FRAS1: variants seen among roughly 807,000 people sequenced by gnomAD.
FRAS1 encodes extracellular matrix organizing protein FRAS1.
A neutral mutation model predicts 435.2 loss-of-function variants in FRAS1; 290 were observed. That is an observed-to-expected ratio of 0.67 (90% CI 0.61 to 0.73). The LOEUF (loss-of-function observed/expected upper bound fraction) is 0.73. FRAS1 is among the 30% of genes least tolerant of loss of function. The pLI is 0.00. For missense variants in FRAS1, 4,860 were observed against 5,001.5 expected, an observed-to-expected ratio of 0.97 and a Z score of 0.85; for synonymous variants, 1,800 against 1,851.0, an observed-to-expected ratio of 0.97 and a Z score of 0.71.
chr4:78,207,627 T>C (rs960843074), intron 2 of FRAS1, among the ~76,000 whole-genome samples: 1 of 152,196 alleles, frequency 6.6e-6, no homozygotes, highest in Non-Finnish European at 1.5e-5. Context: ...TTTATTTCAC[T>C]TGTCAAGAAA....
rs1721818566 is a variant in FRAS1, at chr4:78,534,397, A to T, written c.10926-52A>T. On this transcript the variant is annotated intron_variant, in intron 70 of 73. Transcript: ENST00000512123. ...GAAGGGAGGGTGACTCAAATGACAT[A>T]TGCAAAGCTGACCCTGCTCTCAAAG... 3.3e-6 allele frequency: 5 copies of T among 1,526,030 alleles called. No homozygotes were observed. In the South Asian group the frequency reaches 4.7e-5, roughly 14 times the overall value. The allele number at this position is 1,526,030 out of a possible 1,614,324, so 94.5% of individuals were successfully genotyped here.
chr4:78,535,030 C>T (rs1329689722), intron 71 of FRAS1, among the ~76,000 whole-genome samples: 1 of 152,214 alleles, frequency 6.6e-6, no homozygotes, highest in Non-Finnish European at 1.5e-5. Context: ...GGTCACTTCT[C>T]TATCCGTTTA....
At chr4:78,471,157 A>T (rs1719696086) in intron 51 of FRAS1, among the ~76,000 whole-genome samples, 1 of 152,176 alleles carries the variant, frequency 6.6e-6, no homozygotes, top group African/African-American at 2.4e-5. Context: ...GGTCATTTTA[A>T]GATCTATGCC....
intron 20 of FRAS1, among the ~76,000 whole-genome samples, chr4:78,359,600 C>T (rs1730997437): frequency 6.6e-6 from 1 of 151,996 alleles, no homozygotes; most frequent in African/African-American, 2.4e-5. Flanking sequence ...TAACATGGGT[C>T]CCACTCAGGT....
At chr4:78,094,671 C>T (rs1741704695) in intron 2 of FRAS1, among the ~76,000 whole-genome samples, 1 of 152,076 alleles carries the variant, frequency 6.6e-6, no homozygotes, top group Admixed American at 6.6e-5. Flanking sequence ...ATAGTCAATG[C>T]TTAACCTATT....
At chr4:78,169,778 A>T (rs1308580324) in intron 2 of FRAS1, among the ~76,000 whole-genome samples, 1 of 48,218 alleles carries the variant, frequency 2.1e-5, no homozygotes, top group African/African-American at 5.2e-5. Flanking sequence ...TTCACAACTG[A>T]AACAAAACTT....
At chr4:78,497,689 A>T (rs756972263) in intron 60 of FRAS1, among the ~76,000 whole-genome samples, 10 of 152,146 alleles carry the variant, frequency 6.6e-5, no homozygotes, top group Non-Finnish European at 1.2e-4. Flanking sequence ...AAGCTATATA[A>T]TTTGCACTCT....
At chr4:78,335,945 T>C (rs1730155805) in intron 19 of FRAS1, among the ~76,000 whole-genome samples, 2 of 151,114 alleles carry the variant, frequency 1.3e-5, no homozygotes, top group Non-Finnish European at 1.5e-5. Context: ...AAAAACATTC[T>C]ATCATGATTT....
intron 2 of FRAS1, among the ~76,000 whole-genome samples, chr4:78,074,250 A>G (rs1275693084): frequency 6.6e-6 from 1 of 152,148 alleles, no homozygotes; most frequent in Non-Finnish European, 1.5e-5. Context: ...ATGGTTCAGT[A>G]ATAGTGAGCA....
Position 78,364,028 on chromosome 4 carries a change from A to G in FRAS1, c.2696A>G (p.Tyr899Cys). 1.9e-6 allele frequency: 3 copies of G among 1,597,638 alleles called. No homozygotes were observed. The highest frequency in any genetic ancestry group is 2.6e-6 in the Non-Finnish European group (3 of 1,171,630). Residue 899 changes from tyrosine to cysteine, a missense_variant, in exon 22 of 74, where the codon TAT becomes TGT. Tyr to Cys is a radical substitution (Grantham distance 194). Transcript: ENST00000512123. ...AGCACCACCTGCTTCCCTGGGCACT[A>G]TCTTGATGACAATCATGTTTGCCAG... Reference protein sequence around the residue: ...TCSTTCFPGHYLDDNHVCQPC... With the variant: ...TCSTTCFPGHCLDDNHVCQPC...
chr4:78,510,555 A>G (rs1377694312), intron 63 of FRAS1, among the ~76,000 whole-genome samples: 2 of 152,238 alleles, frequency 1.3e-5, no homozygotes, highest in African/African-American at 2.4e-5. Flanking sequence ...TCTGTGGCAC[A>G]CAGAACTACT....
At chr4:78,372,911 A>G in intron 24 of FRAS1, 53 bp downstream of exon 24, 1 of 1,571,058 alleles carries the variant, frequency 6.4e-7, no homozygotes, top group East Asian at 2.3e-5. Flanking sequence ...GCCACCTCTG[A>G]TTTGTACTGT....
chr4:78,121,383 T>C (rs142505011), intron 2 of FRAS1, among the ~76,000 whole-genome samples: 3 of 152,320 alleles, frequency 2.0e-5, no homozygotes, highest in East Asian at 3.9e-4. Context: ...AGAGTATTCA[T>C]TGGCACTAAG....
intron 30 of FRAS1, among the ~76,000 whole-genome samples, chr4:78,407,150 G>A (rs1340079296): frequency 6.6e-6 from 1 of 152,134 alleles, no homozygotes; most frequent in African/African-American, 2.4e-5. Context: ...AACACTTCTG[G>A]TCCTAAGAAT....
chr4:78,514,265 G>T (rs1021452194), intron 65 of FRAS1, among the ~76,000 whole-genome samples: 19 of 152,244 alleles, frequency 1.2e-4, no homozygotes, highest in Non-Finnish European at 4.4e-5. Context: ...CCAATATGCA[G>T]CTGACGCAGA....
At chr4:78,158,590 G>A (rs548600916) in intron 2 of FRAS1, among the ~76,000 whole-genome samples, 5 of 152,160 alleles carry the variant, frequency 3.3e-5, no homozygotes, top group South Asian at 4.2e-4. Context: ...AGGAACATTC[G>A]ATAAATTAAC....
chr4:78,315,734 G>T lies in FRAS1; in HGVS notation c.1819G>T (p.Val607Phe), dbSNP rs746001732. 1 of 1,613,792 alleles carries T rather than the reference G, an allele frequency of 6.2e-7. No individual in the cohort carries two copies. The highest frequency in any genetic ancestry group is 8.5e-7 in the Non-Finnish European group (1 of 1,179,852). ...YYADATGRCK[V>F]CHNSCASCSG... ...TGCTGATGCCACTGGCAGGTGCAAA[G>T]GTAAGAGATGGGTCACCATCATCAT... Residue 607 changes from valine to phenylalanine, a missense_variant and splice_region_variant, in exon 16 of 74, where the codon GTT becomes TTT. By Grantham distance (50) the Val-to-Phe change is conservative. Transcript: ENST00000512123.
intron 60 of FRAS1, among the ~76,000 whole-genome samples, chr4:78,499,183 A>G (rs1720601357): frequency 6.6e-6 from 1 of 152,204 alleles, no homozygotes; most frequent in South Asian, 2.1e-4. Flanking sequence ...TAGGAAATTA[A>G]GAAAAGCTGA....
chr4:78,379,691 C>A, intron 26 of FRAS1, 35 bp from the exon 27 acceptor site: 1 of 1,586,210 alleles, frequency 6.3e-7, no homozygotes. Context: ...GTGAAGGTAC[C>A]ATAAGCTTGA....
Sources: gnomAD v4.1 joint callset for allele counts (sites outside exome capture counted in the v4.1 genomes callset) on GRCh38, gnomAD v4.1.1 for gene constraint, MANE v1.5 for transcripts, NCBI Gene and HGNC (gene_info 2026-07-23, HGNC 2026-07-21) for gene names.